SLC24A2: variants seen among roughly 807,000 people sequenced by gnomAD.
SLC24A2 encodes sodium/potassium/calcium exchanger 2.
SLC24A2 carries 36 observed loss-of-function variants against 62.0 expected under a neutral mutation model. The observed-to-expected ratio is 0.58, with a 90% CI of 0.44 to 0.77. The LOEUF (loss-of-function observed/expected upper bound fraction) is 0.77. SLC24A2 is among the 30% of genes least tolerant of loss of function. The pLI is 0.00. For missense variants in SLC24A2, 846 were observed against 817.9 expected (o/e 1.03, Z -0.42); for synonymous variants, 358 against 294.0 (o/e 1.22, Z -2.23).
At chr9:19,833,089 C>G in the SLC24A2 span, among the ~76,000 whole-genome samples, 1 of 152,072 alleles carries the variant, frequency 6.6e-6, no homozygotes, top group Non-Finnish European at 1.5e-5. Context: ...AGTTAGGAAA[C>G]GATATTGGGA....
chr9:19,774,388 G>T (rs1181717183), intron 2 of SLC24A2, among the ~76,000 whole-genome samples: 4 of 152,118 alleles, frequency 2.6e-5, no homozygotes. Flanking sequence ...AATAATCTCT[G>T]TCCTAGGCCT....
In SLC24A2 at chr9:19,788,891, A is replaced by C; in HGVS notation, c.-160T>G. On this transcript the variant is annotated 5_prime_UTR_variant, in exon 1 of 11. Coordinates refer to ENST00000341998, the MANE Select transcript of SLC24A2 (RefSeq NM_020344.4). ...CGCAGCCGCCCGCACTTACCAGGATAAGATGGGAGGACGCGCACACGGCGG... is the reference window on the plus strand; with the variant it reads ...CGCAGCCGCCCGCACTTACCAGGATCAGATGGGAGGACGCGCACACGGCGG... 1 of 985,384 alleles carries C rather than the reference A, an allele frequency of 1.0e-6. No homozygotes were observed. The highest frequency in any genetic ancestry group is 1.2e-6 in the Non-Finnish European group (1 of 829,904). The allele number at this position is 985,384 out of a possible 1,614,324, so 61.0% of individuals were successfully genotyped here. A position where few individuals can be genotyped will look rare whatever the true frequency, so the allele number is the denominator to read the frequency against.
chr9:19,538,264 G>A (rs1834072233), intron 8 of SLC24A2, among the ~76,000 whole-genome samples: 1 of 139,964 alleles, frequency 7.1e-6, no homozygotes, highest in Non-Finnish European at 1.5e-5. Context: ...GTGAGAGAGG[G>A]CATCCCTGTC....
chr9:20,307,291 G>T, the SLC24A2 span, among the ~76,000 whole-genome samples: 1 of 152,202 alleles, frequency 6.6e-6, no homozygotes, highest in Non-Finnish European at 1.5e-5. Flanking sequence ...AAGTGTTTGA[G>T]ATATAGTAGT....
At chr9:20,248,779 C>T in the SLC24A2 span, among the ~76,000 whole-genome samples, 2 of 152,234 alleles carry the variant, frequency 1.3e-5, no homozygotes, top group African/African-American at 4.8e-5. Context: ...TATCCAACTG[C>T]AAATCCTGAC....
chr9:19,773,319 A>G (rs1032647688), intron 2 of SLC24A2, among the ~76,000 whole-genome samples: 53 of 152,236 alleles, frequency 3.5e-4, no homozygotes, highest in African/African-American at 1.3e-3. Context: ...AATGAATTAC[A>G]TCTCAGAAAA....
the SLC24A2 span, among the ~76,000 whole-genome samples, chr9:20,059,522 T>C: frequency 2.0e-5 from 3 of 152,048 alleles, no homozygotes; most frequent in Non-Finnish European, 4.4e-5. Context: ...TCCACAAATA[T>C]GTAGAAATTA....
At chr9:20,082,857 T>C in the SLC24A2 span, among the ~76,000 whole-genome samples, 1 of 152,220 alleles carries the variant, frequency 6.6e-6, no homozygotes, top group Admixed American at 6.5e-5. Flanking sequence ...AATTAAGACC[T>C]GGAAGCACTC....
chr9:19,982,505 G>T, the SLC24A2 span, among the ~76,000 whole-genome samples: 3 of 152,110 alleles, frequency 2.0e-5, no homozygotes, highest in Non-Finnish European at 4.4e-5. Context: ...AAGCACTATG[G>T]CTATAAAAGG....
At chr9:19,850,021 G>GC in the SLC24A2 span, among the ~76,000 whole-genome samples, 19 of 115,004 alleles carry the variant, frequency 1.7e-4, no homozygotes, top group Non-Finnish European at 3.0e-4. Context: ...AATAAAAACT[G>GC]CTTTTTTTTT....
At chr9:19,996,420 T>A in the SLC24A2 span, among the ~76,000 whole-genome samples, 1 of 152,116 alleles carries the variant, frequency 6.6e-6, no homozygotes, top group Non-Finnish European at 1.5e-5. Flanking sequence ...TATGAATACA[T>A]CACATTCATC....
At chr9:19,528,603 G>T (rs1833543313) in intron 8 of SLC24A2, among the ~76,000 whole-genome samples, 1 of 152,094 alleles carries the variant, frequency 6.6e-6, no homozygotes, top group Non-Finnish European at 1.5e-5. Context: ...TAATTCCATT[G>T]AATAAGAAAT....
the SLC24A2 span, among the ~76,000 whole-genome samples, chr9:19,805,836 A>T: frequency 9.4e-5 from 14 of 148,218 alleles, no homozygotes; most frequent in East Asian, 6.0e-4. Flanking sequence ...TCTGAGTTTT[A>T]AAAAAAAAAA....
the SLC24A2 span, among the ~76,000 whole-genome samples, chr9:19,811,350 C>A: frequency 8.8e-4 from 134 of 152,264 alleles, no homozygotes; most frequent in Middle Eastern, 3.4e-3. Flanking sequence ...TATAGCACAC[C>A]AAACTAAAAC....
chr9:20,064,720 A>C, the SLC24A2 span, among the ~76,000 whole-genome samples: 2 of 152,308 alleles, frequency 1.3e-5, no homozygotes, highest in South Asian at 2.1e-4. Flanking sequence ...TTCTTGGCCA[A>C]CTGACATCTC....
At chr9:19,972,589 T>C in the SLC24A2 span, among the ~76,000 whole-genome samples, 2 of 152,180 alleles carry the variant, frequency 1.3e-5, no homozygotes, top group Admixed American at 6.5e-5. Flanking sequence ...AGCGAGATGA[T>C]ACAGAAATTA....
At chr9:19,606,940 A>G (rs909143189) in intron 4 of SLC24A2, among the ~76,000 whole-genome samples, 1 of 152,212 alleles carries the variant, frequency 6.6e-6, no homozygotes, top group African/African-American at 2.4e-5. Context: ...GCATGTACAC[A>G]TGAGTGTTGT....
the SLC24A2 span, among the ~76,000 whole-genome samples, chr9:20,162,764 T>C: frequency 2.0e-4 from 31 of 152,044 alleles, no homozygotes; most frequent in Admixed American, 3.9e-4. Context: ...CAGCAGCACA[T>C]CAAAAAGCTT....
the SLC24A2 span, among the ~76,000 whole-genome samples, chr9:20,198,600 T>TGGGTG: frequency 5.3e-5 from 8 of 152,126 alleles, no homozygotes; most frequent in Non-Finnish European, 8.8e-5. Context: ...TACTCATGGC[T>TGGGTG]GGGTGGGTGT....
Sources: gnomAD v4.1 joint callset for allele counts (sites outside exome capture counted in the v4.1 genomes callset) on GRCh38, gnomAD v4.1.1 for gene constraint, MANE v1.5 for transcripts, NCBI Gene and HGNC (gene_info 2026-07-23, HGNC 2026-07-21) for gene names.